PDE3B: variants seen among roughly 807,000 people sequenced by gnomAD.
PDE3B encodes the protein phosphodiesterase 3B, also known as cGMP-inhibited 3',5'-cyclic phosphodiesterase 3B.
PDE3B carries 66 observed loss-of-function variants against 116.8 expected under a neutral mutation model. The ratio of observed to expected loss-of-function variants is 0.56; its 90% CI spans 0.46 to 0.69. PDE3B has a LOEUF of 0.69. PDE3B is among the 30% of genes least tolerant of loss of function. PDE3B has a pLI of 0.00. For synonymous variants in PDE3B, 595 were observed against 533.6 expected, an observed-to-expected ratio of 1.12 and a Z score of -1.59; for missense variants, 1,384 against 1,368.1, an observed-to-expected ratio of 1.01 and a Z score of -0.18.
chr11:14,895,955 G>A, the PDE3B span, among the ~76,000 whole-genome samples: 1 of 151,898 alleles, frequency 6.6e-6, no homozygotes, highest in Non-Finnish European at 1.5e-5. Context: ...GGGTGTGGGG[G>A]TTTCAGAAGA....
At chr11:14,885,801 TA>T in the PDE3B span, 1 of 1,613,140 alleles carries the variant, frequency 6.2e-7, no homozygotes, top group African/African-American at 1.3e-5. Flanking sequence ...TCTTCATGAA[TA>T]AAGGAAGGCA....
the PDE3B span, chr11:14,892,165 A>T: frequency 6.2e-7 from 1 of 1,610,664 alleles, no homozygotes; most frequent in Non-Finnish European, 8.5e-7. Context: ...CGCGCCGCCG[A>T]GCGCCGCCGC....
chr11:14,737,852 A>T (rs1856645595), intron 1 of PDE3B, among the ~76,000 whole-genome samples: 2 of 136,748 alleles, frequency 1.5e-5, no homozygotes, highest in African/African-American at 5.5e-5. Context: ...CCCATCTATG[A>T]GTGAGAACAT....
chr11:14,783,713 TAACA>T (rs2133912871), intron 2 of PDE3B, among the ~76,000 whole-genome samples: 1 of 152,132 alleles, frequency 6.6e-6, no homozygotes, highest in African/African-American at 2.4e-5. Context: ...TATACATATG[TAACA>T]AACCTGCACA....
At chr11:14,768,959 G>T (rs1857565572) in intron 1 of PDE3B, among the ~76,000 whole-genome samples, 1 of 151,442 alleles carries the variant, frequency 6.6e-6, no homozygotes, top group South Asian at 2.1e-4. Context: ...TGTGCTACTT[G>T]CTCAAATTAC....
At position 14,804,024 on chromosome 11, in the gene PDE3B, C is replaced by T; in HGVS notation, c.1496C>T (p.Thr499Ile). Residue 499 changes from threonine (T) to isoleucine (I), a missense_variant, in exon 5 of 16, where the codon ACT becomes ATT. Coordinates refer to ENST00000282096, the MANE Select transcript of PDE3B (RefSeq NM_000922.4). ...CAAAGGTCATCTTCTGTATCACTGACTCACCATGTAGGTCTCAGAAGAGCT... is the reference window on the plus strand; with the variant it reads ...CAAAGGTCATCTTCTGTATCACTGATTCACCATGTAGGTCTCAGAAGAGCT... ...PKQRSSSVSL[T>I]HHVGLRRAGV... 1 of 1,606,306 alleles carries T rather than the reference C, an allele frequency of 6.2e-7. No individual in the cohort carries two copies. Among genetic ancestry groups the T allele is most frequent in the Non-Finnish European group, 8.5e-7 (1 of 1,172,902 alleles).
At chr11:14,844,606 AC>A (rs1847550180) in intron 12 of PDE3B, among the ~76,000 whole-genome samples, 1 of 152,234 alleles carries the variant, frequency 6.6e-6, no homozygotes, top group Non-Finnish European at 1.5e-5. Flanking sequence ...GACAGACAGC[AC>A]CTGGAAAATC....
intron 1 of PDE3B, among the ~76,000 whole-genome samples, chr11:14,710,120 G>C (rs117720468): frequency 0.014 from 2,087 of 152,148 alleles, 20 homozygotes; most frequent in Middle Eastern, 0.044. Flanking sequence ...TCCAAGTTTT[G>C]GATTCTCTGA....
At chr11:14,718,708 G>C (rs1432615753) in intron 1 of PDE3B, among the ~76,000 whole-genome samples, 142 of 144,914 alleles carry the variant, frequency 9.8e-4, no homozygotes, top group African/African-American at 1.6e-3. Context: ...AAATAAAGAT[G>C]TTCTTTGAAA....
At chr11:14,772,427 A>G (rs1465079223) in intron 2 of PDE3B, 1 of 152,760 alleles carries the variant, frequency 6.5e-6, no homozygotes, top group African/African-American at 2.4e-5. Flanking sequence ...TTTTTGGTAA[A>G]CTTTTTATCA....
At chr11:14,882,142 G>T in the PDE3B span, among the ~76,000 whole-genome samples, 3 of 152,064 alleles carry the variant, frequency 2.0e-5, no homozygotes, top group Non-Finnish European at 4.4e-5. Context: ...CATTTAACAT[G>T]TATTTGTGGA....
At position 14,818,223 on chromosome 11, in the gene PDE3B, T is replaced by C; in HGVS notation, c.1563T>C (p.His521=). The part of the protein sequence containing the change: ...SSLSPVNSSN[H]GPVSTGSLTN... ...TGAGTCCTGTGAATTCTTCCAACCA[T>C]GGACCAGTGTCTACTGGCTCTCTAA... The change falls in exon 6 of 16, where the codon CAT becomes CAC. Residue 521 remains histidine (H), a synonymous_variant. Coordinates refer to ENST00000282096, the MANE Select transcript of PDE3B (RefSeq NM_000922.4). 1 of 1,613,668 alleles carries C rather than the reference T, an allele frequency of 6.2e-7. No homozygotes were observed. Among genetic ancestry groups the C allele is most frequent in the East Asian group, 2.2e-5 (1 of 44,852 alleles).
chr11:14,890,403 G>A, the PDE3B span: 2 of 925,604 alleles, frequency 2.2e-6, no homozygotes, highest in Non-Finnish European at 2.6e-6. Context: ...ATTGCAGGTT[G>A]GAAAATAAGA....
At chr11:14,730,632 G>A (rs1300687032) in intron 1 of PDE3B, among the ~76,000 whole-genome samples, 1 of 152,192 alleles carries the variant, frequency 6.6e-6, no homozygotes, top group African/African-American at 2.4e-5. Context: ...TTTCTGCAAA[G>A]TTGTGGTTGT....
chr11:14,683,504 A>G (rs1043127046), intron 1 of PDE3B, among the ~76,000 whole-genome samples: 1 of 152,066 alleles, frequency 6.6e-6, no homozygotes, highest in South Asian at 2.1e-4. Context: ...TTTAATATCT[A>G]TGGAGTCTAT....
intron 1 of PDE3B, among the ~76,000 whole-genome samples, chr11:14,713,937 T>A (rs1855788350): frequency 6.6e-6 from 1 of 152,186 alleles, no homozygotes. Flanking sequence ...ATAATTTGGC[T>A]AGAGTTCAAG....
Position 14,803,924 on chromosome 11 carries a change from C to A in PDE3B, c.1416-20C>A. Reference sequence around the variant, plus strand: ...TTTTCCTGTTTTTAAAAATTTTAACCTGTTATTTTTCCCTTTTAGTCAAGG... The same window carrying A: ...TTTTCCTGTTTTTAAAAATTTTAACATGTTATTTTTCCCTTTTAGTCAAGG... On this transcript the variant is annotated intron_variant, in intron 4 of 15. Coordinates refer to ENST00000282096, the MANE Select transcript of PDE3B (RefSeq NM_000922.4). 1.5e-6 allele frequency: 2 copies of A among 1,360,288 alleles called. No individual in the cohort carries two copies. Among genetic ancestry groups the A allele is most frequent in the Non-Finnish European group, 2.1e-6 (2 of 952,706 alleles). The allele number at this position is 1,360,288 out of a possible 1,614,324, so 84.3% of individuals were successfully genotyped here.
intron 1 of PDE3B, among the ~76,000 whole-genome samples, chr11:14,726,988 C>T (rs534276747): frequency 6.6e-6 from 1 of 152,240 alleles, no homozygotes; most frequent in East Asian, 1.9e-4. Flanking sequence ...TGATTATCTC[C>T]CCTTGAGGTC....
In PDE3B at chr11:14,723,337, G is replaced by C. The variant is rs773080491; in HGVS notation, c.979-48600G>C. 8.6e-4 allele frequency among the ~76,000 whole-genome samples: 131 copies of C among 152,298 alleles called. 1 individual carries two copies. The highest frequency in any genetic ancestry group is 2.2e-4 in the Non-Finnish European group (15 of 68,024). On this transcript the variant is annotated intron_variant, in intron 1 of 15. Transcript: ENST00000282096. ...GGAGATATAGTGGTGAGCAAAGGGA[G>C]ACAGAACCTCAGATCTCATGCCACT...
Sources: gnomAD v4.1 joint callset for allele counts (sites outside exome capture counted in the v4.1 genomes callset) on GRCh38, gnomAD v4.1.1 for gene constraint, MANE v1.5 for transcripts, NCBI Gene and HGNC (gene_info 2026-07-23, HGNC 2026-07-21) for gene names.